ALDH9A1: variants seen among roughly 807,000 people sequenced by gnomAD.
The protein encoded by ALDH9A1 is aldehyde dehydrogenase 9 family member A1.
In ALDH9A1, 42 loss-of-function variants were observed where a neutral mutation model predicts 56.6. The observed-to-expected ratio is 0.74, with a 90% CI of 0.58 to 0.96. ALDH9A1 has a LOEUF of 0.96. Among genes scored for constraint, ALDH9A1 ranks in the 40% least tolerant of loss-of-function variants. The pLI is 0.00. For synonymous variants in ALDH9A1, 242 were observed against 236.0 expected (o/e 1.03, Z -0.23); for missense variants, 661 against 651.5 (o/e 1.01, Z -0.16).
chr1:165,671,762 T>C (rs1370354544), intron 6 of ALDH9A1: 1 of 289,392 alleles, frequency 3.5e-6, no homozygotes, highest in Non-Finnish European at 7.0e-6. Flanking sequence ...AATAAAATAA[T>C]TGCTTAACTA....
At position 165,687,188 on chromosome 1, in the gene ALDH9A1, C is replaced by A. The variant is rs747178944; in HGVS notation, c.328-4078G>T. Among the ~76,000 whole-genome samples, 26 of 152,096 alleles carry A rather than the reference C, an allele frequency of 1.7e-4. No homozygotes were observed. The Middle Eastern group carries it at 0.01, about 60-fold the overall frequency. The stretch of plus-strand genomic sequence containing the variant: ...AAGGAGAAAAAAACCCATAAACACA[C>A]CCAAAAACTGGAAAATGAACTGAGC... On this transcript the variant is annotated intron_variant, in intron 2 of 10. Transcript: ENST00000354775.
At chr1:165,689,771 T>A (rs1649826695) in intron 2 of ALDH9A1, among the ~76,000 whole-genome samples, 1 of 151,908 alleles carries the variant, frequency 6.6e-6, no homozygotes, top group East Asian at 2.0e-4. Context: ...CTGTCTCTAC[T>A]AAAAATACAA....
intron 1 of ALDH9A1, among the ~76,000 whole-genome samples, chr1:165,697,100 T>C (rs1413810352): frequency 6.6e-6 from 1 of 152,172 alleles, no homozygotes; most frequent in Non-Finnish European, 1.5e-5. Flanking sequence ...CCCAGCAAAA[T>C]AAACACAACA....
intron 2 of ALDH9A1, among the ~76,000 whole-genome samples, chr1:165,690,953 G>C (rs751376568): frequency 1.3e-5 from 2 of 152,208 alleles, no homozygotes; most frequent in Non-Finnish European, 2.9e-5. Context: ...CTGAACAAAA[G>C]GCAGCGGAAA....
At chr1:165,688,180 G>A (rs1016035817) in intron 2 of ALDH9A1, among the ~76,000 whole-genome samples, 1 of 152,088 alleles carries the variant, frequency 6.6e-6, no homozygotes, top group African/African-American at 2.4e-5. Context: ...AGCCAAGTGT[G>A]GTGACATGAG....
rs762581066 is a variant in ALDH9A1 at position 165,668,986 on chromosome 1, T to G, written c.1147A>C (p.Ile383Leu). 9.9e-6 allele frequency: 16 copies of G among 1,611,926 alleles called. No individual in the cohort carries two copies. In the South Asian group the frequency reaches 1.7e-4, roughly 17 times the overall value. Residue 383 changes from isoleucine (I) to leucine (L), a missense_variant, in exon 8 of 11, where the codon ATA (isoleucine) becomes CTA (leucine). Physicochemically the swap from Ile to Leu is conservative, Grantham distance 5 (BLOSUM62 2). Coordinates refer to ENST00000354775, the MANE Select transcript of ALDH9A1 (RefSeq NM_000696.4). ...QGAKVLCGGD[I>L]YVPEDPKLKD... ...AATTTGGGATCTTCAGGTACATATATATCTCCACCACATAACACTTTAGCA... is the reference window on the plus strand; with the variant it reads ...AATTTGGGATCTTCAGGTACATATAGATCTCCACCACATAACACTTTAGCA...
chr1:165,671,411 G>T, intron 6 of ALDH9A1: 1 of 460,848 alleles, frequency 2.2e-6, no homozygotes, highest in Non-Finnish European at 4.3e-6. Flanking sequence ...AGAAGGGCCT[G>T]ACTCCTTCAC....
In ALDH9A1 at chr1:165,682,853, G is replaced by A. The variant is rs1371066135; in HGVS notation, c.457+128C>T. ...GATAAAGTAATTCCCAGGCCACCCA[G>A]GTAGAAAGTGACAAACCCAAGACTT... is the stretch of plus-strand genomic sequence containing the variant. On this transcript the variant is annotated intron_variant, in intron 3 of 10. Transcript: ENST00000354775. 9.5e-6 allele frequency: 10 copies of A among 1,053,318 alleles called. No homozygotes were observed. In the South Asian group the frequency reaches 1.4e-4, roughly 15 times the overall value. 65.2% of individuals were successfully genotyped at this position (1,053,318 alleles called of 1,614,324 possible). A position where few individuals can be genotyped will look rare whatever the true frequency, so the allele number is the denominator to read the frequency against.
chr1:165,678,824 A>G (rs1040307359), intron 6 of ALDH9A1, among the ~76,000 whole-genome samples: 9 of 152,234 alleles, frequency 5.9e-5, no homozygotes, highest in Non-Finnish European at 1.3e-4. Flanking sequence ...ACCCAAACTA[A>G]GGAACATTCT....
intron 2 of ALDH9A1, among the ~76,000 whole-genome samples, chr1:165,685,822 A>G (rs1649692563): frequency 6.6e-6 from 1 of 152,218 alleles, no homozygotes; most frequent in Admixed American, 6.5e-5. Flanking sequence ...TGTACAAGAC[A>G]AACCAACCTG....
At chr1:165,664,222 T>C (rs1380047179) in intron 10 of ALDH9A1, among the ~76,000 whole-genome samples, 2 of 152,124 alleles carry the variant, frequency 1.3e-5, no homozygotes, top group Non-Finnish European at 2.9e-5. Context: ...CTGTGATGGC[T>C]GTAAATATTT....
At position 165,683,053 on chromosome 1, in the gene ALDH9A1, C is replaced by G. The variant is rs755836366; in HGVS notation, c.385G>C (p.Glu129Gln). ...GAAATGTCAATGTCCAAGCGGGCCT[C>G]AAAGATGGACTTGCCATTGTTGATG... ...ECINNGKSIF[E>Q]ARLDIDISWQ... The change falls in exon 3 of 11, where the codon GAG becomes CAG. Residue 129 changes from glutamate to glutamine, a missense_variant. Coordinates refer to ENST00000354775, the MANE Select transcript of ALDH9A1 (RefSeq NM_000696.4). The G allele has an allele frequency of 2.6e-5, 42 of 1,613,954 alleles. No homozygotes were observed. The highest frequency in any genetic ancestry group is 3.4e-5 in the Non-Finnish European group (40 of 1,179,998).
At chr1:165,672,674 C>G (rs547056095) in intron 6 of ALDH9A1, among the ~76,000 whole-genome samples, 1 of 152,118 alleles carries the variant, frequency 6.6e-6, no homozygotes, top group African/African-American at 2.4e-5. Flanking sequence ...TGGTGGCTCA[C>G]GCCTGTAGTT....
chr1:165,682,983 G>A lies in ALDH9A1; in HGVS notation c.455C>T (p.Ala152Val). 1 of 1,613,714 alleles carries A rather than the reference G, an allele frequency of 6.2e-7. No individual in the cohort carries two copies. Among genetic ancestry groups the A allele is most frequent in the Non-Finnish European group, 8.5e-7 (1 of 1,179,840 alleles). ...EYYAGLAASM[A>V]GEHIQLPGGS... Reference sequence around the variant, plus strand: ...ACAGACACCAGGTGAGGACTTACCAGCCATGGATGCAGCCAAGCCCGCATA... The same window carrying A: ...ACAGACACCAGGTGAGGACTTACCAACCATGGATGCAGCCAAGCCCGCATA... Residue 152 changes from alanine to valine, a missense_variant and splice_region_variant, in exon 3 of 11, where the codon GCT (alanine) becomes GTT (valine). Ala to Val is a moderately conservative substitution (Grantham distance 64, BLOSUM62 0). Coordinates refer to ENST00000354775, the MANE Select transcript of ALDH9A1 (RefSeq NM_000696.4).
intron 2 of ALDH9A1, among the ~76,000 whole-genome samples, chr1:165,684,339 AG>A (rs1649644683): frequency 6.6e-6 from 1 of 152,210 alleles, no homozygotes. Context: ...TCCTTCAGAA[AG>A]GATAATCTGT....
At chr1:165,697,203 A>T (rs1229084433) in intron 1 of ALDH9A1, among the ~76,000 whole-genome samples, 2 of 152,250 alleles carry the variant, frequency 1.3e-5, no homozygotes, top group African/African-American at 2.4e-5. Context: ...CTTAGCACAC[A>T]TTAAGCACTG....
At position 165,669,283 on chromosome 1, in the gene ALDH9A1, A is replaced by G. The variant is rs748045495; in HGVS notation, c.1098T>C (p.Phe366=). ...NRPHLERVLG[F]VKVAKEQGAK... is the part of the protein sequence containing the mutation. ...TTACCTGCTCCTTTGCCACTTTGAC[A>G]AACCCAAGGACTCGCTCCAGGTGTG... The change falls in exon 7 of 11, where the codon TTT becomes TTC. Residue 366 remains phenylalanine (F), a synonymous_variant. Transcript: ENST00000354775. 1.2e-6 allele frequency: 2 copies of G among 1,603,712 alleles called. No homozygotes were observed. Among genetic ancestry groups the G allele is most frequent in the South Asian group, 2.3e-5 (2 of 88,720 alleles).
intron 2 of ALDH9A1, among the ~76,000 whole-genome samples, chr1:165,694,345 CGT>C (rs933262760): frequency 1.3e-5 from 2 of 152,082 alleles, no homozygotes; most frequent in Non-Finnish European, 2.9e-5. Context: ...GAGGACCTTC[CGT>C]GTGTTAGGCC....
intron 2 of ALDH9A1, among the ~76,000 whole-genome samples, chr1:165,687,296 A>AC (rs1050070030): frequency 4.6e-5 from 7 of 151,438 alleles, no homozygotes; most frequent in African/African-American, 1.7e-4. Context: ...AGAGGGGGCA[A>AC]AAAAAAAAAC....
Sources: gnomAD v4.1 joint callset for allele counts (sites outside exome capture counted in the v4.1 genomes callset) on GRCh38, gnomAD v4.1.1 for gene constraint, MANE v1.5 for transcripts, NCBI Gene and HGNC (gene_info 2026-07-23, HGNC 2026-07-21) for gene names.